The following TET1 variants were observed in gnomAD, a reference collection of about 807,000 sequenced individuals.
The protein encoded by TET1 is methylcytosine dioxygenase TET1.
Under a neutral mutation model 148.7 loss-of-function variants are expected in TET1, and 13 were observed. The ratio of observed to expected loss-of-function variants is 0.09; its 90% CI spans 0.06 to 0.14. The LOEUF is 0.14. TET1 is among the 10% of genes least tolerant of loss of function. TET1 has a pLI of 1.00. For synonymous variants in TET1, 907 were observed against 937.2 expected, an observed-to-expected ratio of 0.97 and a Z score of 0.59; for missense variants, 2,182 against 2,553.8, an observed-to-expected ratio of 0.85 and a Z score of 3.14.
chr10:68,610,966 T>G (rs535735761), intron 3 of TET1, among the ~76,000 whole-genome samples: 1 of 152,246 alleles, frequency 6.6e-6, no homozygotes, highest in Non-Finnish European at 1.5e-5. Flanking sequence ...TGATTATAAT[T>G]ACAAGTAAAG....
intron 10 of TET1, among the ~76,000 whole-genome samples, chr10:68,683,613 C>G (rs10998384): frequency 6.9e-6 from 1 of 144,500 alleles, no homozygotes; most frequent in Non-Finnish European, 1.5e-5. Flanking sequence ...GGGGTTTCAC[C>G]GTGTTAGCCA....
At chr10:68,621,164 G>A (rs1464159250) in intron 3 of TET1, among the ~76,000 whole-genome samples, 1 of 152,202 alleles carries the variant, frequency 6.6e-6, no homozygotes, top group Non-Finnish European at 1.5e-5. Flanking sequence ...GGCCAGGCAT[G>A]GTGGCTCATG....
intron 2 of TET1, among the ~76,000 whole-genome samples, chr10:68,576,008 AGACTCCATCT>A (rs2053726300): frequency 6.7e-6 from 1 of 148,564 alleles, no homozygotes; most frequent in African/African-American, 2.5e-5. Flanking sequence ...TGACAGAGTG[AGACTCCATCT>A]CAAAAAAAAA....
At chr10:68,632,228 A>T (rs542242470) in intron 3 of TET1, 232 of 670,812 alleles carry the variant, frequency 3.5e-4, no homozygotes, top group Admixed American at 2.2e-3. Flanking sequence ...AGGCTGAGGC[A>T]GGAGAATGGC....
intron 8 of TET1, among the ~76,000 whole-genome samples, chr10:68,673,935 C>CTTT (rs11381293): frequency 4.2e-5 from 5 of 120,280 alleles, no homozygotes; most frequent in Non-Finnish European, 3.4e-5. Flanking sequence ...CTTTCTTTTT[C>CTTT]TTTTTTTTTT....
intron 1 of TET1, among the ~76,000 whole-genome samples, chr10:68,563,589 A>T: frequency 6.6e-6 from 1 of 152,254 alleles, no homozygotes; most frequent in East Asian, 1.9e-4. Context: ...ACATCAGTTA[A>T]GCATTTTTGC....
intron 2 of TET1, among the ~76,000 whole-genome samples, chr10:68,586,092 T>C (rs1196280214): frequency 6.6e-6 from 1 of 152,098 alleles, no homozygotes; most frequent in Non-Finnish European, 1.5e-5. Flanking sequence ...CACTGTAACC[T>C]TGAACCTCTG....
At position 68,676,563 on chromosome 10, in the gene TET1, C is replaced by G. The variant is rs140570720; in HGVS notation, c.4824+3518C>G. The stretch of plus-strand genomic sequence containing the variant: ...TGCTAGGATTACAGGCGTAAGCCAC[C>G]GTGCCTGACCTGGCCATTTGTATTT... On this transcript the variant is annotated intron_variant, in intron 8 of 11. Transcript: ENST00000373644. Among the ~76,000 whole-genome samples the G allele has an allele frequency of 8.6e-5, 13 of 151,752 alleles. No individual in the cohort carries two copies. The East Asian group carries it at 2.5e-3, about 30-fold the overall frequency.
chr10:68,568,589 T>C (rs896799858), intron 1 of TET1, among the ~76,000 whole-genome samples: 1 of 152,222 alleles, frequency 6.6e-6, no homozygotes, highest in Non-Finnish European at 1.5e-5. Context: ...ATAGTGAGCT[T>C]TGCTTTTGCT....
At chr10:68,641,463 G>A (rs1407563270) in intron 3 of TET1, among the ~76,000 whole-genome samples, 1 of 144,180 alleles carries the variant, frequency 6.9e-6, no homozygotes, top group Non-Finnish European at 1.5e-5. Flanking sequence ...CTATTCCCAG[G>A]AGGTTACCAT....
At chr10:68,562,473 A>G (rs1212203019) in intron 1 of TET1, among the ~76,000 whole-genome samples, 1 of 152,194 alleles carries the variant, frequency 6.6e-6, no homozygotes, top group Non-Finnish European at 1.5e-5. Flanking sequence ...TTCCGATTTT[A>G]TCGGTATTGA....
At chr10:68,644,283 C>T (rs992419334) in intron 3 of TET1, among the ~76,000 whole-genome samples, 2 of 152,108 alleles carry the variant, frequency 1.3e-5, no homozygotes, top group African/African-American at 4.8e-5. Flanking sequence ...CTCATTGGAA[C>T]CTCCACCTCC....
chr10:68,575,022 A>G (rs1051081599), intron 2 of TET1, among the ~76,000 whole-genome samples: 6 of 152,224 alleles, frequency 3.9e-5, no homozygotes, highest in African/African-American at 1.4e-4. Flanking sequence ...TGTGATTTTT[A>G]GATCACGCAT....
chr10:68,632,773 T>G (rs1242592660), intron 3 of TET1: 14 of 1,471,580 alleles, frequency 9.5e-6, no homozygotes, highest in Admixed American at 4.0e-5. Flanking sequence ...GAAGTTAAGA[T>G]CAACCACATA....
At chr10:68,669,556 AT>A (rs2055243978) in intron 7 of TET1, among the ~76,000 whole-genome samples, 1 of 140,128 alleles carries the variant, frequency 7.1e-6, no homozygotes, top group Admixed American at 8.0e-5. Flanking sequence ...GGGTTTCACC[AT>A]GTTAGCCAGG....
rs2055418183 is a variant in TET1, at chr10:68,680,262, A to G, written c.4825-1137A>G. ...ATATAATGGTCTCCTTTCTGTGTTA[A>G]TGGCATCTCCTTCCACCAAATCTCA... is the stretch of plus-strand genomic sequence containing the variant. On this transcript the variant is annotated intron_variant, in intron 8 of 11. Transcript: ENST00000373644. Among the ~76,000 whole-genome samples the G allele has an allele frequency of 2.0e-5, 3 of 152,200 alleles. No individual in the cohort carries two copies. In the South Asian group the frequency reaches 6.2e-4, roughly 31 times the overall value.
intron 6 of TET1, among the ~76,000 whole-genome samples, chr10:68,660,327 T>A (rs1164515713): frequency 6.7e-6 from 1 of 149,998 alleles, no homozygotes; most frequent in Non-Finnish European, 1.5e-5. Context: ...TACTTTTTTC[T>A]TTTCTTCTTC....
chr10:68,645,503 G>A lies in TET1; in HGVS notation c.2774G>A (p.Ser925Asn). The change falls in exon 4 of 12, where the codon AGT becomes AAT. Residue 925 changes from serine (S) to asparagine (N), a missense_variant. Ser to Asn is a conservative substitution (Grantham distance 46). Coordinates refer to ENST00000373644, the MANE Select transcript of TET1 (RefSeq NM_030625.3). Reference protein sequence around the residue: ...KDEESEQRTASLLNSCKAILY... With the variant: ...KDEESEQRTANLLNSCKAILY... ...GAGGAATCAGAGCAGAGAACAGCCAGTTTGCTTAATAGCTGCAAAGCTATC... is the reference window on the plus strand; with the variant it reads ...GAGGAATCAGAGCAGAGAACAGCCAATTTGCTTAATAGCTGCAAAGCTATC... 1 of 1,614,024 alleles carries A rather than the reference G, an allele frequency of 6.2e-7. No homozygotes were observed. Among genetic ancestry groups the A allele is most frequent in the Non-Finnish European group, 8.5e-7 (1 of 1,180,038 alleles).
chr10:68,664,631 A>G (rs1428314235), intron 6 of TET1, among the ~76,000 whole-genome samples: 1 of 145,742 alleles, frequency 6.9e-6, no homozygotes, highest in African/African-American at 2.6e-5. Flanking sequence ...CAAGTGATCT[A>G]ACCACCTCCC....
Sources: gnomAD v4.1 joint callset for allele counts (sites outside exome capture counted in the v4.1 genomes callset) on GRCh38, gnomAD v4.1.1 for gene constraint, MANE v1.5 for transcripts, NCBI Gene and HGNC (gene_info 2026-07-23, HGNC 2026-07-21) for gene names.